The following TEK variants were observed in gnomAD, a reference collection of about 807,000 sequenced individuals.
The protein encoded by TEK is angiopoietin-1 receptor.
A neutral mutation model predicts 131.8 loss-of-function variants in TEK; 43 were observed. That is an observed-to-expected ratio of 0.33 (90% CI 0.26 to 0.42). TEK has a LOEUF of 0.42. Among genes scored for constraint, TEK ranks in the 10% least tolerant of loss-of-function variants. The pLI is 1.00. For synonymous variants in TEK, 580 were observed against 491.6 expected (o/e 1.18, Z -2.38); for missense variants, 1,162 against 1,384.4 (o/e 0.84, Z 2.55).
intron 21 of TEK, among the ~76,000 whole-genome samples, chr9:27,221,074 G>T (rs1331687597): frequency 6.6e-6 from 1 of 152,210 alleles, no homozygotes; most frequent in Non-Finnish European, 1.5e-5. Flanking sequence ...GGACGCTCCA[G>T]CTTGGTGAGG....
At chr9:27,208,197 G>C (rs547644947) in intron 15 of TEK, among the ~76,000 whole-genome samples, 11 of 152,252 alleles carry the variant, frequency 7.2e-5, no homozygotes, top group Admixed American at 1.3e-4. Context: ...CCAAGATATT[G>C]ACCCTCCATG....
At chr9:27,114,654 T>C (rs1821479927) in intron 1 of TEK, among the ~76,000 whole-genome samples, 1 of 152,200 alleles carries the variant, frequency 6.6e-6, no homozygotes, top group Admixed American at 6.5e-5. Context: ...AATCTGATAA[T>C]CAATTTTATA....
At chr9:27,141,229 T>C (rs1435712801) in intron 1 of TEK, among the ~76,000 whole-genome samples, 2 of 152,182 alleles carry the variant, frequency 1.3e-5, no homozygotes, top group Non-Finnish European at 2.9e-5. Context: ...TTTTGGTTTT[T>C]GTTTTCTTTC....
chr9:27,155,785 A>G (rs1823308808), intron 1 of TEK, among the ~76,000 whole-genome samples: 1 of 151,284 alleles, frequency 6.6e-6, no homozygotes, highest in South Asian at 2.1e-4. Context: ...AAATATGGGC[A>G]AGGAGGTCAG....
chr9:27,209,049 G>T (rs1564099414), intron 15 of TEK, 72 bp from the exon 16 acceptor site: 5 of 1,004,356 alleles, frequency 5.0e-6, no homozygotes, highest in Admixed American at 3.5e-5. Flanking sequence ...AGGTTCTTAG[G>T]GGGCAGGACG....
At chr9:27,139,026 G>C (rs563622154) in intron 1 of TEK, among the ~76,000 whole-genome samples, 24 of 151,866 alleles carry the variant, frequency 1.6e-4, no homozygotes, top group African/African-American at 4.3e-4. Context: ...TGGCTAACCT[G>C]GTGAAATCCA....
chr9:27,155,013 C>T (rs943405237), intron 1 of TEK, among the ~76,000 whole-genome samples: 3 of 152,210 alleles, frequency 2.0e-5, no homozygotes, highest in African/African-American at 4.8e-5. Flanking sequence ...CCACTGCCAC[C>T]GCTGGGAGCT....
intron 1 of TEK, among the ~76,000 whole-genome samples, chr9:27,118,446 G>A (rs139478578): frequency 3.3e-5 from 5 of 152,136 alleles, no homozygotes; most frequent in Non-Finnish European, 7.4e-5. Flanking sequence ...ACCATCCTGG[G>A]CAATATAGGG....
intron 6 of TEK, among the ~76,000 whole-genome samples, chr9:27,175,429 A>G (rs1442505394): frequency 6.6e-6 from 1 of 151,846 alleles, no homozygotes; most frequent in African/African-American, 2.4e-5. Context: ...GCTATTGTGA[A>G]TAGTGCCACA....
At position 27,210,536 on chromosome 9, in the gene TEK, C is replaced by T. The variant is rs74959035; in HGVS notation, c.2686+1305C>T. 643 of 166,424 alleles carry T rather than the reference C, an allele frequency of 3.9e-3. 7 individuals are homozygous for T. Among genetic ancestry groups the T allele is most frequent in the African/African-American group, 0.015 (615 of 42,074 alleles). The allele number at this position is 166,424 out of a possible 1,614,324, so 10.3% of individuals were successfully genotyped here. On this transcript the variant is annotated intron_variant, in intron 16 of 22. Transcript: ENST00000380036. ...TGAGGCTTTAGTGTTGACCCCACTG[C>T]AGATCTAAGAGAATGCTGGCTCTTA...
At chr9:27,161,919 T>C (rs958192820) in intron 2 of TEK, among the ~76,000 whole-genome samples, 1 of 152,264 alleles carries the variant, frequency 6.6e-6, no homozygotes, top group Non-Finnish European at 1.5e-5. Context: ...CAACTGATTA[T>C]TGTAATTTCT....
At chr9:27,194,210 T>C (rs1355598478) in intron 11 of TEK, among the ~76,000 whole-genome samples, 2 of 152,208 alleles carry the variant, frequency 1.3e-5, no homozygotes, top group Admixed American at 6.5e-5. Flanking sequence ...TTTTACTCCA[T>C]TTACTAAAAG....
chr9:27,109,668 AT>A, intron 1 of TEK, 26 bp downstream of exon 1: 1 of 1,611,890 alleles, frequency 6.2e-7, no homozygotes, highest in Middle Eastern at 1.7e-4. Flanking sequence ...ATTTTTTTTA[AT>A]TTAGTATTTT....
intron 1 of TEK, among the ~76,000 whole-genome samples, chr9:27,134,278 C>T (rs1822334600): frequency 6.6e-6 from 1 of 152,142 alleles, no homozygotes; most frequent in East Asian, 1.9e-4. Context: ...AGAGAGTTAA[C>T]ATCAGCTCAT....
Position 27,169,687 on chromosome 9 carries a change from T to G in TEK, c.628+58T>G. On this transcript the variant is annotated intron_variant, in intron 4 of 22. Transcript: ENST00000380036. Reference sequence around the variant, plus strand: ...TGTAGTTGTTAGGTTGTTAGGATTTTTAGTTGCAAATAACAGAAACTAACC... The same window carrying G: ...TGTAGTTGTTAGGTTGTTAGGATTTGTAGTTGCAAATAACAGAAACTAACC... The G allele has an allele frequency of 1.1e-5, 17 of 1,610,752 alleles. No homozygotes were observed. In the South Asian group the frequency reaches 1.9e-4, roughly 18 times the overall value.
intron 12 of TEK, among the ~76,000 whole-genome samples, chr9:27,199,138 A>G (rs1295003192): frequency 6.6e-6 from 1 of 152,192 alleles, no homozygotes; most frequent in African/African-American, 2.4e-5. Flanking sequence ...AAGTATACAC[A>G]TGCATACATA....
Position 27,168,355 on chromosome 9 carries a change from G to A in TEK, c.365-140G>A, listed in dbSNP as rs952328675. 36 of 696,622 alleles carry A rather than the reference G, an allele frequency of 5.2e-5. No homozygotes were observed. The Middle Eastern group carries it at 1.9e-3, about 37-fold the overall frequency. The allele number at this position is 696,622 out of a possible 1,614,324, so 43.2% of individuals were successfully genotyped here. On this transcript the variant is annotated intron_variant, in intron 2 of 22. Coordinates refer to ENST00000380036, the MANE Select transcript of TEK (RefSeq NM_000459.5). Reference sequence around the variant, plus strand: ...TGTTAAGAAAGGTTAAAACGCATTAGCCACCACTGTTTTTCACCTTCCAAA... The same window carrying A: ...TGTTAAGAAAGGTTAAAACGCATTAACCACCACTGTTTTTCACCTTCCAAA...
chr9:27,179,076 C>T (rs759501295), intron 6 of TEK, among the ~76,000 whole-genome samples: 2 of 152,096 alleles, frequency 1.3e-5, no homozygotes, highest in East Asian at 1.9e-4. Context: ...CTTGGACCTC[C>T]AGTTACATGT....
chr9:27,138,248 G>A (rs1460864053), intron 1 of TEK, among the ~76,000 whole-genome samples: 1 of 152,244 alleles, frequency 6.6e-6, no homozygotes, highest in African/African-American at 2.4e-5. Context: ...GGTTGCCGCT[G>A]CTGGCTCAGG....
Sources: allele counts gnomAD v4.1 joint callset (sites outside exome capture counted in the v4.1 genomes callset), GRCh38; gene constraint gnomAD v4.1.1; transcripts MANE v1.5; gene names NCBI Gene and HGNC (gene_info 2026-07-23, HGNC 2026-07-21).